FRMD4A: variants seen among roughly 807,000 people sequenced by gnomAD.
FRMD4A encodes the protein FERM domain-containing protein 4A.
Under a neutral mutation model 129.1 loss-of-function variants are expected in FRMD4A, and 29 were observed. The observed-to-expected ratio is 0.22, with a 90% CI of 0.17 to 0.31. FRMD4A has a LOEUF of 0.31. Among genes scored for constraint, FRMD4A ranks in the 10% least tolerant of loss-of-function variants. The pLI is 1.00. For synonymous variants in FRMD4A, 634 were observed against 571.6 expected (o/e 1.11, Z -1.56); for missense variants, 1,272 against 1,375.8 (o/e 0.92, Z 1.19).
chr10:13,884,106 A>ACACACACACACACT (rs2094577111), intron 2 of FRMD4A, among the ~76,000 whole-genome samples: 1 of 89,320 alleles, frequency 1.1e-5, no homozygotes, highest in African/African-American at 4.1e-5. Context: ...GAAAAGAAAC[A>ACACACACACACACT]CACACACACA....
At chr10:13,866,081 A>T (rs914826763) in intron 2 of FRMD4A, among the ~76,000 whole-genome samples, 1 of 152,218 alleles carries the variant, frequency 6.6e-6, no homozygotes, top group Non-Finnish European at 1.5e-5. Flanking sequence ...TTTACAAGAC[A>T]TTAAAATCAG....
chr10:14,008,411 C>T (rs2095670100), intron 2 of FRMD4A: 11 of 1,025,556 alleles, frequency 1.1e-5, no homozygotes, highest in Non-Finnish European at 1.3e-5. Flanking sequence ...GCATCTCTAG[C>T]TTTCTTCCAT....
At chr10:14,146,864 C>T (rs1301591673) in intron 2 of FRMD4A, among the ~76,000 whole-genome samples, 1 of 152,172 alleles carries the variant, frequency 6.6e-6, no homozygotes, top group Non-Finnish European at 1.5e-5. Flanking sequence ...CAGTTCTGCA[C>T]GTAATCAGTT....
intron 2 of FRMD4A, among the ~76,000 whole-genome samples, chr10:14,234,923 A>G (rs1434503173): frequency 6.6e-6 from 1 of 152,192 alleles, no homozygotes; most frequent in Non-Finnish European, 1.5e-5. Flanking sequence ...TTAGCATCAC[A>G]CTAAAATGGC....
intron 2 of FRMD4A, among the ~76,000 whole-genome samples, chr10:13,988,705 T>C (rs1003734255): frequency 1.3e-5 from 2 of 152,340 alleles, no homozygotes; most frequent in East Asian, 1.9e-4. Context: ...AACAGATGGA[T>C]GGATAGATAG....
intron 2 of FRMD4A, among the ~76,000 whole-genome samples, chr10:14,227,732 A>G (rs564677171): frequency 6.6e-6 from 1 of 152,338 alleles, no homozygotes; most frequent in South Asian, 2.1e-4. Flanking sequence ...TCTAGGATGC[A>G]TGAGATGCTA....
At chr10:13,961,514 G>A (rs138738789) in intron 2 of FRMD4A, among the ~76,000 whole-genome samples, 2 of 152,192 alleles carry the variant, frequency 1.3e-5, no homozygotes, top group African/African-American at 2.4e-5. Context: ...AAGGCCACCT[G>A]ATGGTTCAGA....
intron 2 of FRMD4A, among the ~76,000 whole-genome samples, chr10:14,232,396 T>C (rs1194675021): frequency 6.6e-6 from 1 of 152,240 alleles, no homozygotes; most frequent in Non-Finnish European, 1.5e-5. Context: ...TTGCTTATAA[T>C]TGCTTTTGCT....
intron 2 of FRMD4A, among the ~76,000 whole-genome samples, chr10:14,279,182 ATTTTTTT>A (rs1223887250): frequency 1.0e-5 from 1 of 99,630 alleles, no homozygotes; most frequent in Middle Eastern, 5.8e-3. Context: ...AGGAAGCGGG[ATTTTTTT>A]TTTTTTTTTT....
chr10:13,710,706 G>T (rs1333962520), intron 12 of FRMD4A: 2 of 152,270 alleles, frequency 1.3e-5, no homozygotes, highest in Non-Finnish European at 2.9e-5. Flanking sequence ...TTGTTGCGTT[G>T]AGACATTAGA....
chr10:13,751,650 TATG>T (rs1382242406), intron 8 of FRMD4A, among the ~76,000 whole-genome samples: 1 of 152,198 alleles, frequency 6.6e-6, no homozygotes, highest in Admixed American at 6.5e-5. Flanking sequence ...GTTCATGACA[TATG>T]ATAAATGCCA....
intron 2 of FRMD4A, among the ~76,000 whole-genome samples, chr10:14,241,683 TAAA>T (rs71388168): frequency 1.6e-3 from 38 of 23,394 alleles, no homozygotes; most frequent in African/African-American, 6.0e-3. Context: ...TTACCCTCCC[TAAA>T]AAAAAAAAAA....
intron 3 of FRMD4A, among the ~76,000 whole-genome samples, chr10:13,850,618 C>T (rs999772638): frequency 2.0e-5 from 3 of 152,118 alleles, no homozygotes; most frequent in Non-Finnish European, 4.4e-5. Flanking sequence ...AGATAAGGTT[C>T]GAAGTCTTTG....
At chr10:14,279,182 A>AGTTTTTTTT (rs1845437982) in intron 2 of FRMD4A, among the ~76,000 whole-genome samples, 1 of 99,632 alleles carries the variant, frequency 1.0e-5, no homozygotes, top group African/African-American at 4.1e-5. Context: ...AGGAAGCGGG[A>AGTTTTTTTT]TTTTTTTTTT....
intron 2 of FRMD4A, among the ~76,000 whole-genome samples, chr10:14,140,354 C>G (rs568245385): frequency 1.3e-5 from 2 of 152,280 alleles, no homozygotes; most frequent in East Asian, 1.9e-4. Context: ...TGAGCCACCC[C>G]CCTTGGCCGG....
Position 14,047,680 on chromosome 10 carries a change from C to T in FRMD4A, c.46-188768G>A, listed in dbSNP as rs118187007. ...ACTGACTGTAGACTGAAAAGTGAAA[C>T]TTCACGTCTGCAAAGTACTTTTCAT... On this transcript the variant is annotated intron_variant, in intron 2 of 24. Transcript: ENST00000357447. Among the ~76,000 whole-genome samples, 1,463 of 152,328 alleles carry T rather than the reference C, an allele frequency of 9.6e-3. 15 individuals carry two copies. Among genetic ancestry groups the T allele is most frequent in the Non-Finnish European group, 0.015 (993 of 68,032 alleles).
intron 2 of FRMD4A, among the ~76,000 whole-genome samples, chr10:14,140,405 T>A (rs1023695307): frequency 8.5e-5 from 13 of 152,202 alleles, no homozygotes; most frequent in African/African-American, 2.9e-4. Flanking sequence ...CTGCCATATG[T>A]CAGGAAATGT....
intron 2 of FRMD4A, among the ~76,000 whole-genome samples, chr10:14,327,378 C>G (rs1368685503): frequency 2.0e-5 from 3 of 152,232 alleles, no homozygotes; most frequent in Non-Finnish European, 4.4e-5. Flanking sequence ...ATTGGCTATC[C>G]TGGAACTTCA....
At chr10:13,937,577 G>A (rs10906546) in intron 2 of FRMD4A, among the ~76,000 whole-genome samples, 15,100 of 152,174 alleles carry the variant, frequency 0.099, 827 homozygotes, top group Middle Eastern at 0.18. Context: ...CTCAGGCTGC[G>A]TTTTGGTTAA....
Sources: gnomAD v4.1 joint callset for allele counts (sites outside exome capture counted in the v4.1 genomes callset) on GRCh38, gnomAD v4.1.1 for gene constraint, MANE v1.5 for transcripts, NCBI Gene and HGNC (gene_info 2026-07-23, HGNC 2026-07-21) for gene names.